The following CCDC93 variants were observed in gnomAD, a reference collection of about 807,000 sequenced individuals.
CCDC93 encodes coiled-coil domain-containing protein 93.
Under a neutral mutation model 108.2 loss-of-function variants are expected in CCDC93, and 61 were observed. That is an observed-to-expected ratio of 0.56 (90% confidence interval 0.46 to 0.70). CCDC93 has a LOEUF of 0.70. CCDC93 is among the 30% of genes least tolerant of loss of function. CCDC93 has a pLI of 0.00. For missense variants in CCDC93, 685 were observed against 764.2 expected (o/e 0.90, Z 1.22); for synonymous variants, 276 against 260.4 (o/e 1.06, Z -0.58).
At chr2:117,969,555 C>G (rs1008642888) in intron 11 of CCDC93, among the ~76,000 whole-genome samples, 1 of 152,192 alleles carries the variant, frequency 6.6e-6, no homozygotes, top group African/African-American at 2.4e-5. Flanking sequence ...AGAAAAGCAG[C>G]CCCTGACGTC....
intron 6 of CCDC93, among the ~76,000 whole-genome samples, chr2:117,988,450 G>A (rs544379691): frequency 1.3e-5 from 2 of 152,282 alleles, no homozygotes; most frequent in African/African-American, 2.4e-5. Context: ...AACAGCCACC[G>A]CCAATCTGGC....
chr2:118,013,295 C>T (rs571412038), intron 1 of CCDC93, among the ~76,000 whole-genome samples: 28 of 152,378 alleles, frequency 1.8e-4, no homozygotes, highest in African/African-American at 6.5e-4. Context: ...GCAGCCTTTC[C>T]GCCCAGAGCC....
intron 7 of CCDC93, among the ~76,000 whole-genome samples, chr2:117,983,721 G>A (rs1480809719): frequency 1.3e-5 from 2 of 151,296 alleles, no homozygotes; most frequent in Non-Finnish European, 2.9e-5. Context: ...CCATGCAGTG[G>A]AGAATGCTGA....
chr2:117,943,322 A>G (rs1390388210), intron 18 of CCDC93, among the ~76,000 whole-genome samples: 1 of 152,246 alleles, frequency 6.6e-6, no homozygotes, highest in Admixed American at 6.5e-5. Context: ...CACTCAGTCA[A>G]AAAGTTTCCA....
At chr2:118,004,925 T>C (rs1378657118) in intron 3 of CCDC93, among the ~76,000 whole-genome samples, 3 of 152,184 alleles carry the variant, frequency 2.0e-5, no homozygotes, top group Non-Finnish European at 4.4e-5. Flanking sequence ...ATACATATTA[T>C]ATATTATGTA....
At chr2:117,978,816 T>A (rs1680024949) in intron 7 of CCDC93, among the ~76,000 whole-genome samples, 1 of 152,124 alleles carries the variant, frequency 6.6e-6, no homozygotes, top group Non-Finnish European at 1.5e-5. Flanking sequence ...GAGACTAGCC[T>A]GGCCAACATG....
At chr2:117,922,934 G>A (rs1011499676) in intron 23 of CCDC93, among the ~76,000 whole-genome samples, 5 of 151,778 alleles carry the variant, frequency 3.3e-5, no homozygotes, top group African/African-American at 1.2e-4. Flanking sequence ...TACCTCAAAA[G>A]AGCTTGTGGG....
Position 117,944,007 on chromosome 2 carries a change from G to T in CCDC93, c.1413+17C>A, listed in dbSNP as rs760329090. 3.9e-6 allele frequency: 6 copies of T among 1,556,860 alleles called. No individual in the cohort carries two copies. The highest frequency in any genetic ancestry group is 1.9e-5 in the Admixed American group (1 of 52,996). ...GTTAGAAGCATTTATGCATATTTTT[G>T]TCCTTCTTTTACTCACCTGTAGTAA... On this transcript the variant is annotated intron_variant, in intron 18 of 23. Coordinates refer to ENST00000376300, the MANE Select transcript of CCDC93 (RefSeq NM_019044.5).
intron 23 of CCDC93, 65 bp from the exon 24 acceptor site, chr2:117,920,461 TG>T: frequency 8.5e-7 from 1 of 1,178,876 alleles, no homozygotes. Context: ...GAGGCCAAGA[TG>T]GTCTCAAAGC....
chr2:117,980,485 T>C (rs6742791), intron 7 of CCDC93, among the ~76,000 whole-genome samples: 10,551 of 152,202 alleles, frequency 0.069, 503 homozygotes, highest in Admixed American at 0.11. Flanking sequence ...AGTGACTTGA[T>C]TCCTAGGACG....
intron 8 of CCDC93, among the ~76,000 whole-genome samples, chr2:117,977,139 C>T (rs977378048): frequency 6.6e-6 from 1 of 151,902 alleles, no homozygotes; most frequent in African/African-American, 2.4e-5. Flanking sequence ...GGGGTTTCAC[C>T]GTGTTAGCCA....
chr2:117,947,855 A>G (rs1412825850), intron 15 of CCDC93, among the ~76,000 whole-genome samples: 1 of 151,982 alleles, frequency 6.6e-6, no homozygotes, highest in Non-Finnish European at 1.5e-5. Flanking sequence ...CACCACGCCC[A>G]GCTAATTTTT....
chr2:117,934,349 A>G (rs898068830), intron 22 of CCDC93, among the ~76,000 whole-genome samples: 17 of 152,012 alleles, frequency 1.1e-4, no homozygotes, highest in Non-Finnish European at 1.9e-4. Flanking sequence ...ACCTACTCAT[A>G]CCCCAGGTCA....
intron 3 of CCDC93, chr2:118,001,170 A>C: frequency 2.5e-6 from 1 of 396,890 alleles, no homozygotes. Flanking sequence ...TTTTCTTCCT[A>C]CTTTTTTGGA....
At chr2:117,951,618 C>T (rs947383992) in intron 13 of CCDC93, 8 of 1,000,054 alleles carry the variant, frequency 8.0e-6, no homozygotes, top group African/African-American at 1.7e-5. Flanking sequence ...GACCTTGCAG[C>T]GAGGTCCTTC....
intron 6 of CCDC93, among the ~76,000 whole-genome samples, chr2:117,992,455 G>A (rs528889060): frequency 3.3e-5 from 5 of 152,216 alleles, no homozygotes; most frequent in East Asian, 1.9e-4. Context: ...TATTGGCCAG[G>A]CTGGTCTCGA....
In CCDC93 at chr2:117,978,024, A is replaced by G. The variant is rs35236047; in HGVS notation, c.627T>C (p.Tyr209=). ...CCATTTTGCTCTGGCGGCTAAATCC[A>G]TATCTCCTGCAGGCCACAAAAAAGG... ...HATLLEYGRR[Y]GFSRQSKMEK... The change falls in exon 8 of 24, where the codon TAT becomes TAC. Residue 209 remains tyrosine, a synonymous_variant. Coordinates refer to ENST00000376300, the MANE Select transcript of CCDC93 (RefSeq NM_019044.5). 1,539 of 1,613,866 alleles carry G rather than the reference A, an allele frequency of 9.5e-4. 13 individuals are homozygous for G. In the African/African-American group the frequency reaches 0.017, roughly 18 times the overall value.
intron 23 of CCDC93, among the ~76,000 whole-genome samples, chr2:117,928,291 C>T (rs944872588): frequency 2.0e-5 from 3 of 152,096 alleles, no homozygotes; most frequent in African/African-American, 7.2e-5. Context: ...AGCTTCTGCA[C>T]AGCAAAATAA....
rs554779577 is a variant in CCDC93 at position 118,013,322 on chromosome 2, A to C, written c.42+632T>G. 3.3e-5 allele frequency among the ~76,000 whole-genome samples: 5 copies of C among 152,338 alleles called. No homozygotes were observed. The South Asian group carries it at 1.0e-3, about 32-fold the overall frequency. On this transcript the variant is annotated intron_variant, in intron 1 of 23. Transcript: ENST00000376300. ...CCCAGAGCCGGGTCCCCCGCCACACAGCACCCCTGGAGTGCGTCCCACCCC... is the reference window on the plus strand; with the variant it reads ...CCCAGAGCCGGGTCCCCCGCCACACCGCACCCCTGGAGTGCGTCCCACCCC...
Sources: gnomAD v4.1 joint callset for allele counts (sites outside exome capture counted in the v4.1 genomes callset) on GRCh38, gnomAD v4.1.1 for gene constraint, MANE v1.5 for transcripts, NCBI Gene and HGNC (gene_info 2026-07-23, HGNC 2026-07-21) for gene names.